VWF: variants seen among roughly 807,000 people sequenced by gnomAD.
The protein encoded by VWF is von Willebrand factor, also known as Factor VIII related antigen.
Under a neutral mutation model 308.6 loss-of-function variants are expected in VWF, and 176 were observed. The ratio of observed to expected loss-of-function variants is 0.57; its 90% CI spans 0.50 to 0.65. The LOEUF is 0.65. Ranked by LOEUF, VWF falls within the 30% of genes least tolerant of loss-of-function variation. VWF has a pLI of 0.00. For missense variants in VWF, 3,146 were observed against 3,648.2 expected (o/e 0.86, Z 3.55); for synonymous variants, 1,385 against 1,443.4 (o/e 0.96, Z 0.92).
rs1276538354 is a variant in VWF at position 5,952,658 on chromosome 12, C to G, written c.7987-139G>C. 2.5e-6 allele frequency: 3 copies of G among 1,211,276 alleles called. No individual in the cohort carries two copies. In the African/African-American group the frequency reaches 4.5e-5, roughly 18 times the overall value. 75.0% of individuals were successfully genotyped at this position (1,211,276 alleles called of 1,614,324 possible). A position where few individuals can be genotyped will look rare whatever the true frequency, so the allele number is the denominator to read the frequency against. ...CAAGAAGACAGTGTATAATAAAGCCCCCACACCCAGAACACAGACCAGAAG... is the reference window on the plus strand; with the variant it reads ...CAAGAAGACAGTGTATAATAAAGCCGCCACACCCAGAACACAGACCAGAAG... On this transcript the variant is annotated intron_variant, in intron 48 of 51. Coordinates refer to ENST00000261405, the MANE Select transcript of VWF (RefSeq NM_000552.5).
chr12:5,967,576 CA>C lies in VWF; in HGVS notation c.7796del (p.Val2599GlyfsTer55). Reference sequence around the variant, plus strand: ...GCACCATGCAGCGGCAGGTCGTGCACACATCGATCATCACAGTCTTCCCGGG... The same window carrying C: ...GCACCATGCAGCGGCAGGTCGTGCACCATCGATCATCACAGTCTTCCCGGG... The part of the protein sequence containing the change: ...IGPGKTVMID[V>X]CTTCRCMVQV... On this transcript the variant is annotated frameshift_variant, in exon 47 of 52. Coordinates refer to ENST00000261405, the MANE Select transcript of VWF (RefSeq NM_000552.5). LOFTEE classifies it high-confidence loss of function. The C allele has an allele frequency of 6.2e-7, 1 of 1,614,048 alleles. No homozygotes were observed. The highest frequency in any genetic ancestry group is 1.3e-5 in the African/African-American group (1 of 75,016).
intron 41 of VWF, among the ~76,000 whole-genome samples, chr12:5,982,559 G>A (rs1359532380): frequency 6.6e-6 from 1 of 152,118 alleles, no homozygotes; most frequent in Non-Finnish European, 1.5e-5. Flanking sequence ...AACACAATGT[G>A]CTCTCCTCCC....
chr12:6,097,689 A>G (rs983503059), intron 5 of VWF, among the ~76,000 whole-genome samples: 1 of 152,150 alleles, frequency 6.6e-6, no homozygotes, highest in African/African-American at 2.4e-5. Flanking sequence ...ATGAAAGAAT[A>G]AATTTCAGTT....
Position 5,976,253 on chromosome 12 carries a change from A to T in VWF, c.7295T>A (p.Val2432Asp). 1 of 1,614,148 alleles carries T rather than the reference A, an allele frequency of 6.2e-7. No homozygotes were observed. The highest frequency in any genetic ancestry group is 1.1e-5 in the South Asian group (1 of 91,080). The change falls in exon 43 of 52, where the codon GTC (valine) becomes GAC (aspartate). Residue 2432 changes from valine to aspartate, a missense_variant. Val to Asp is a radical substitution (Grantham distance 152). Around this residue, in one of 3 missense-constraint regions of VWF, gnomAD observed 989 missense variants for 1,117.4 expected, o/e 0.89. Coordinates refer to ENST00000261405, the MANE Select transcript of VWF (RefSeq NM_000552.5). ...CACAGGGTAGATGGTGCTTCGGTGG[A>T]CACACACCTGTAGACATAAGTTTTC... Reference protein sequence around the residue: ...TTTCLPDKVCVHRSTIYPVGQ... With the variant: ...TTTCLPDKVCDHRSTIYPVGQ...
At position 6,024,718 on chromosome 12, in the gene VWF, G is replaced by A. The variant is rs961548775; in HGVS notation, c.3222+862C>T. ...ACATGTGTGTACACACATACATGCA[G>A]CAGATAAGAGACAACTGCACTATGG... On this transcript the variant is annotated intron_variant, in intron 24 of 51. Transcript: ENST00000261405. This position sits in a 1 kb window ranked among gnomAD's most constrained non-coding sequence, Gnocchi z 4.0. Among the ~76,000 whole-genome samples the A allele has an allele frequency of 2.6e-5, 4 of 152,182 alleles. No homozygotes were observed. The highest frequency in any genetic ancestry group is 9.7e-5 in the African/African-American group (4 of 41,442).
chr12:5,991,768 T>C, intron 38 of VWF, 51 bp downstream of exon 38: 4 of 1,597,270 alleles, frequency 2.5e-6, no homozygotes, highest in Middle Eastern at 4.2e-4. Flanking sequence ...ATCTCCCTTT[T>C]GACCCAAGAG....
In VWF at chr12:6,056,861, G is replaced by T. The variant is rs773299242; in HGVS notation, c.1941C>A (p.Arg647=). 3.5e-6 allele frequency: 5 copies of T among 1,433,416 alleles called. No individual in the cohort carries two copies. Among genetic ancestry groups the T allele is most frequent in the Non-Finnish European group, 3.6e-6 (4 of 1,103,982 alleles). The allele number at this position is 1,433,416 out of a possible 1,614,324, so 88.8% of individuals were successfully genotyped here. ...GCGGGCAGGGAGGGCACGCACCACA[G>T]CGGCCTGGCTCGCGCCACGCGACGC... ...GVRVAWREPG[R]CELNCPKGQV... The change falls in exon 15 of 52, where the codon CGC becomes CGA. Residue 647 remains arginine, a synonymous_variant. Coordinates refer to ENST00000261405, the MANE Select transcript of VWF (RefSeq NM_000552.5).
At position 6,019,930 on chromosome 12, in the gene VWF, GC is replaced by G. The variant is rs1318947459; in HGVS notation, c.3675-188del. On this transcript the variant is annotated intron_variant, in intron 27 of 51. Transcript: ENST00000261405. The surrounding 1 kb of genome is among the most constrained non-coding windows in gnomAD (Gnocchi z 5.8). ...TTTAACATCTGTCCCCAAATAGCAT[GC>G]CCCCCACCTTCAAAACACACACATA... 6.6e-6 allele frequency among the ~76,000 whole-genome samples: 1 copy of G among 151,968 alleles called. No individual in the cohort carries two copies. The highest frequency in any genetic ancestry group is 1.5e-5 in the Non-Finnish European group (1 of 67,996).
intron 6 of VWF, among the ~76,000 whole-genome samples, chr12:6,085,615 TCTC>T (rs1056886503): frequency 6.1e-4 from 92 of 151,396 alleles, no homozygotes; most frequent in African/African-American, 2.2e-3. Flanking sequence ...CTTATCCAAC[TCTC>T]CTCAAGGGCT....
chr12:6,029,446 C>A lies in VWF; in HGVS notation c.2863G>T (p.Val955Leu), dbSNP rs374622681. 1.1e-5 allele frequency: 18 copies of A among 1,614,060 alleles called. No individual in the cohort carries two copies. The African/African-American group carries it at 2.1e-4, about 19-fold the overall frequency. Residue 955 changes from valine (V) to leucine (L), a missense_variant, in exon 22 of 52, where the codon GTG becomes TTG. Val to Leu is a conservative substitution (Grantham distance 32, BLOSUM62 1). Transcript: ENST00000261405. ...ATGATGTACCGGCCAGACTCCACCA[C>A]CTCAAAGTGAGTCTCATCCTTCATG... Reference protein sequence around the residue: ...RPMKDETHFEVVESGRYIILL... With the variant: ...RPMKDETHFELVESGRYIILL...
intron 37 of VWF, among the ~76,000 whole-genome samples, chr12:5,992,492 A>G (rs1943756203): frequency 6.6e-6 from 1 of 152,196 alleles, no homozygotes; most frequent in Non-Finnish European, 1.5e-5. Context: ...AATCAGCTGG[A>G]GCCACCGCCT....
Position 6,102,492 on chromosome 12 carries a change from T to C in VWF, c.533-6908A>G, listed in dbSNP as rs148559972. On this transcript the variant is annotated intron_variant, in intron 5 of 51. Coordinates refer to ENST00000261405, the MANE Select transcript of VWF (RefSeq NM_000552.5). ...TGGCTCACACCTGTAATCCCAGCAC[T>C]GTGGGAGGCCGAGGCAGGCGGATCA... Among the ~76,000 whole-genome samples the C allele has an allele frequency of 3.1e-3, 466 of 152,196 alleles. 4 individuals carry two copies. Among genetic ancestry groups the C allele is most frequent in the African/African-American group, 0.01 (428 of 41,514 alleles).
At chr12:5,980,266 A>AGGGAGGGAGGGG (rs1943591195) in intron 42 of VWF, among the ~76,000 whole-genome samples, 1 of 67,456 alleles carries the variant, frequency 1.5e-5, no homozygotes, top group African/African-American at 5.2e-5. Flanking sequence ...GTAGGGAGGG[A>AGGGAGGGAGGGG]GGGAGGAGGA....
At position 5,992,036 on chromosome 12, in the gene VWF, G is replaced by C. The variant is rs771598802; in HGVS notation, c.6599-18C>G. On this transcript the variant is annotated intron_variant, in intron 37 of 51. Coordinates refer to ENST00000261405, the MANE Select transcript of VWF (RefSeq NM_000552.5). ...TGACATAGCTGTAGACAGAGAAGGA[G>C]GTCACTTGCAAAGGCCCACACCAGC... The C allele has an allele frequency of 1.9e-6, 3 of 1,613,082 alleles. No individual in the cohort carries two copies. The highest frequency in any genetic ancestry group is 1.1e-5 in the South Asian group (1 of 90,900).
intron 5 of VWF, chr12:6,095,820 C>T (rs562329802): frequency 4.0e-6 from 2 of 499,358 alleles, no homozygotes; most frequent in East Asian, 4.1e-5. Flanking sequence ...TGGTTCACCC[C>T]TCCTCAGGCA....
intron 26 of VWF, among the ~76,000 whole-genome samples, chr12:6,022,238 C>T (rs1233483719): frequency 6.6e-6 from 1 of 151,940 alleles, no homozygotes; most frequent in African/African-American, 2.4e-5. Context: ...AAACTGGGAG[C>T]GGGGATTCCT....
At position 5,984,347 on chromosome 12, in the gene VWF, A is replaced by G. The variant is rs570441735; in HGVS notation, c.6976+698T>C. Among the ~76,000 whole-genome samples, 176 of 152,324 alleles carry G rather than the reference A, an allele frequency of 1.2e-3. 1 individual carries two copies. The highest frequency in any genetic ancestry group is 4.1e-3 in the African/African-American group (172 of 41,570). On this transcript the variant is annotated intron_variant, in intron 40 of 51. Transcript: ENST00000261405. ...AAGCCACATCTCCCTCCCCTACAGG[A>G]CTTCTATTTATTTCTGATCAATTTC...
intron 6 of VWF, among the ~76,000 whole-genome samples, chr12:6,078,690 A>T (rs1325566795): frequency 6.6e-6 from 1 of 152,150 alleles, no homozygotes; most frequent in East Asian, 1.9e-4. Flanking sequence ...TCCTGCAGGC[A>T]CAGGGACAAG....
At chr12:6,095,350 G>C in intron 6 of VWF, 110 bp downstream of exon 6, 1 of 1,540,340 alleles carries the variant, frequency 6.5e-7, no homozygotes, top group East Asian at 2.3e-5. Flanking sequence ...AAATGGCCCT[G>C]CGTAAGTCCA....
Sources: allele counts gnomAD v4.1 joint callset (sites outside exome capture counted in the v4.1 genomes callset), GRCh38; gene constraint gnomAD v4.1.1; regional missense constraint gnomAD v4.1.1; non-coding constraint Gnocchi (gnomAD v3.1); transcripts MANE v1.5; gene names NCBI Gene and HGNC (gene_info 2026-07-23, HGNC 2026-07-21).